Variants in PPP1R12A observed in about 807,000 individuals in gnomAD.
The protein encoded by PPP1R12A is protein phosphatase 1 regulatory subunit 12A, also known as myosin binding subunit.
Under a neutral mutation model 139.6 loss-of-function variants are expected in PPP1R12A, and 19 were observed. The observed-to-expected ratio is 0.14, with a 90% CI of 0.09 to 0.20. The LOEUF (loss-of-function observed/expected upper bound fraction) is 0.20, where lower values mean the gene tolerates loss of function less well. Ranked by LOEUF, PPP1R12A falls within the 10% of genes least tolerant of loss-of-function variation. The pLI is 1.00. For synonymous variants in PPP1R12A, 427 were observed against 420.6 expected (o/e 1.02, Z -0.19); for missense variants, 925 against 1,211.5 (o/e 0.76, Z 3.51).
In PPP1R12A at chr12:79,934,898, C is replaced by G. The variant is rs1367493051; in HGVS notation, c.34G>C (p.Glu12Gln). The change falls in exon 1 of 25, where the codon GAG (glutamate) becomes CAG (glutamine). Residue 12 changes from glutamate (E) to glutamine (Q), a missense_variant. Transcript: ENST00000450142. ...GAGCCGATCCAGCGTTTCAGCTGCT[C>G]GTTCCGCTTCTGCTTCGCGTCCGCC... Reference protein sequence around the residue: ...KMADAKQKRNEQLKRWIGSET... With the variant: ...KMADAKQKRNQQLKRWIGSET... 2 of 1,606,418 alleles carry G rather than the reference C, an allele frequency of 1.2e-6. No individual in the cohort carries two copies. The highest frequency in any genetic ancestry group is 1.7e-6 in the Non-Finnish European group (2 of 1,176,442).
chr12:79,875,561 T>C (rs1883018329), intron 1 of PPP1R12A, among the ~76,000 whole-genome samples: 1 of 152,242 alleles, frequency 6.6e-6, no homozygotes, highest in African/African-American at 2.4e-5. Context: ...GGCTGATGAC[T>C]ATTATCTCTG....
intron 15 of PPP1R12A, among the ~76,000 whole-genome samples, chr12:79,797,873 C>G (rs1485735109): frequency 6.6e-6 from 1 of 152,086 alleles, no homozygotes; most frequent in Non-Finnish European, 1.5e-5. Flanking sequence ...GCAAATAGTT[C>G]AGCTTGAAAG....
intron 2 of PPP1R12A, among the ~76,000 whole-genome samples, chr12:79,862,615 A>C (rs1881471014): frequency 6.6e-6 from 1 of 152,204 alleles, no homozygotes; most frequent in African/African-American, 2.4e-5. Flanking sequence ...AGTGTAGAGA[A>C]GAGCTAAATG....
At chr12:79,828,822 T>C (rs1372205298) in intron 4 of PPP1R12A, among the ~76,000 whole-genome samples, 1 of 152,146 alleles carries the variant, frequency 6.6e-6, no homozygotes, top group Non-Finnish European at 1.5e-5. Context: ...TGAATCACTT[T>C]GTATGTAAAA....
chr12:79,929,536 C>T (rs867400677), intron 1 of PPP1R12A, among the ~76,000 whole-genome samples: 4 of 152,088 alleles, frequency 2.6e-5, no homozygotes, highest in South Asian at 2.1e-4. Context: ...GAGGCCAAGA[C>T]GGGCGGATCA....
intron 6 of PPP1R12A, among the ~76,000 whole-genome samples, chr12:79,821,646 A>ACCT (rs1592668413): frequency 6.6e-6 from 1 of 151,772 alleles, no homozygotes; most frequent in East Asian, 1.9e-4. Context: ...CGAGCTACTC[A>ACCT]GGAGGCTGAG....
At chr12:79,786,327 A>T in intron 22 of PPP1R12A, 47 bp downstream of exon 22, 2 of 1,203,590 alleles carry the variant, frequency 1.7e-6, no homozygotes, top group Non-Finnish European at 2.3e-6. Flanking sequence ...AGATGGGATA[A>T]ATCACAACCA....
intron 22 of PPP1R12A, chr12:79,782,063 G>A: frequency 5.5e-6 from 2 of 363,418 alleles, no homozygotes; most frequent in African/African-American, 2.1e-5. Context: ...ATGGTAACCA[G>A]AGCTCTCATT....
chr12:79,878,052 T>C (rs1218037873), intron 1 of PPP1R12A, among the ~76,000 whole-genome samples: 1 of 152,074 alleles, frequency 6.6e-6, no homozygotes, highest in Non-Finnish European at 1.5e-5. Context: ...AGGTTTTTTT[T>C]TTGTTTGTTT....
chr12:79,931,894 A>T (rs929284882), intron 1 of PPP1R12A, among the ~76,000 whole-genome samples: 22 of 152,224 alleles, frequency 1.4e-4, no homozygotes, highest in African/African-American at 4.6e-4. Context: ...TTTCTATACA[A>T]AAAGAACAGC....
At chr12:79,926,245 G>A (rs1887832390) in intron 1 of PPP1R12A, among the ~76,000 whole-genome samples, 1 of 152,192 alleles carries the variant, frequency 6.6e-6, no homozygotes, top group Admixed American at 6.5e-5. Context: ...GAGTGAAGAG[G>A]CATGATCTCA....
chr12:79,919,915 A>AC, intron 1 of PPP1R12A, among the ~76,000 whole-genome samples: 1 of 152,340 alleles, frequency 6.6e-6, no homozygotes, highest in Middle Eastern at 3.4e-3. Flanking sequence ...CCATAAAATA[A>AC]CCCATTTAAA....
intron 1 of PPP1R12A, among the ~76,000 whole-genome samples, chr12:79,932,476 A>G (rs1888324836): frequency 6.6e-6 from 1 of 152,230 alleles, no homozygotes; most frequent in Non-Finnish European, 1.5e-5. Flanking sequence ...TCACCGATTT[A>G]AGGCATTTGC....
chr12:79,853,231 T>C (rs1319330094), intron 2 of PPP1R12A, among the ~76,000 whole-genome samples: 1 of 152,246 alleles, frequency 6.6e-6, no homozygotes, highest in Non-Finnish European at 1.5e-5. Flanking sequence ...GGTGTCCCTC[T>C]ACTAGTATTT....
intron 2 of PPP1R12A, chr12:79,848,676 AAC>A (rs1177839002): frequency 1.3e-5 from 2 of 152,200 alleles, no homozygotes; most frequent in Non-Finnish European, 2.9e-5. Flanking sequence ...TATGCATGCA[AAC>A]ACACAATTCA....
chr12:79,891,249 T>C (rs1380644746), intron 1 of PPP1R12A, among the ~76,000 whole-genome samples: 2 of 152,176 alleles, frequency 1.3e-5, no homozygotes, highest in African/African-American at 2.4e-5. Context: ...AAATCTTATA[T>C]GGTTATCTTA....
chr12:79,865,365 T>C (rs1164109160), intron 2 of PPP1R12A, among the ~76,000 whole-genome samples: 1 of 152,106 alleles, frequency 6.6e-6, no homozygotes, highest in African/African-American at 2.4e-5. Flanking sequence ...CAATATCGTA[T>C]TGAATGGGCA....
chr12:79,815,183 G>A (rs1875191276), intron 9 of PPP1R12A, among the ~76,000 whole-genome samples: 1 of 152,156 alleles, frequency 6.6e-6, no homozygotes, highest in Admixed American at 6.5e-5. Flanking sequence ...ATTGAACACA[G>A]GAAGTTTACC....
chr12:79,888,071 A>C (rs1022544928), intron 1 of PPP1R12A, among the ~76,000 whole-genome samples: 1 of 152,160 alleles, frequency 6.6e-6, no homozygotes, highest in African/African-American at 2.4e-5. Flanking sequence ...ATAATTCAAC[A>C]ATTATTTACT....
Sources: gnomAD v4.1 joint callset for allele counts (sites outside exome capture counted in the v4.1 genomes callset) on GRCh38, gnomAD v4.1.1 for gene constraint, MANE v1.5 for transcripts, NCBI Gene and HGNC (gene_info 2026-07-23, HGNC 2026-07-21) for gene names.